Variants in MGAT4C observed in about 807,000 individuals in gnomAD.
MGAT4C encodes alpha-1,3-mannosyl-glycoprotein 4-beta-N-acetylglucosaminyltransferase C.
Under a neutral mutation model 40.1 loss-of-function variants are expected in MGAT4C, and 19 were observed. That is an observed-to-expected ratio of 0.47 (90% CI 0.33 to 0.70). The LOEUF is 0.70. Ranked by LOEUF, MGAT4C falls within the 30% of genes least tolerant of loss-of-function variation. The pLI is 0.02. For missense variants in MGAT4C, 491 were observed against 563.2 expected, an observed-to-expected ratio of 0.87 and a Z score of 1.30; for synonymous variants, 181 against 187.1, an observed-to-expected ratio of 0.97 and a Z score of 0.27.
At chr12:86,362,324 T>C (rs115212070) in intron 3 of MGAT4C, among the ~76,000 whole-genome samples, 9,803 of 151,990 alleles carry the variant, frequency 0.064, 768 homozygotes, top group East Asian at 0.25. Context: ...ACATCGCCCA[T>C]TGGGGCCTGG....
rs962883950 is a variant in MGAT4C at position 86,082,844 on chromosome 12, T to A, written c.-56-33121A>T. Among the ~76,000 whole-genome samples, 3 of 152,208 alleles carry A rather than the reference T, an allele frequency of 2.0e-5. 1 individual carries two copies. Among genetic ancestry groups the A allele is most frequent in the African/African-American group, 7.2e-5 (3 of 41,512 alleles). ...AACATGTTTTATTGATTTATACTTT[T>A]ATTTTTTTTTGCATTTTACTCTTTG... is the stretch of plus-strand genomic sequence containing the variant. On this transcript the variant is annotated intron_variant, in intron 1 of 4. Coordinates refer to ENST00000611864, the MANE Select transcript of MGAT4C (RefSeq NM_001351288.2).
chr12:86,513,941 T>A lies in MGAT4C; in HGVS notation c.-228-78676A>T, dbSNP rs115004326. 3.4e-3 allele frequency among the ~76,000 whole-genome samples: 521 copies of A among 152,010 alleles called. 4 individuals carry two copies. Among genetic ancestry groups the A allele is most frequent in the African/African-American group, 0.012 (505 of 41,468 alleles). On this transcript the variant is annotated intron_variant, in intron 2 of 7. Coordinates refer to the MGAT4C transcript ENST00000548651. The stretch of plus-strand genomic sequence containing the variant: ...AGCCTAGCAGTTACGAAAGGGGGCA[T>A]AAAGGATTTGAAGCCCTCAAAAGCC...
intron 1 of MGAT4C, among the ~76,000 whole-genome samples, chr12:86,809,682 T>C (rs995844958): frequency 3.9e-5 from 6 of 152,052 alleles, no homozygotes; most frequent in African/African-American, 1.4e-4. Context: ...ATCCTCTTCA[T>C]AATTTGGGCC....
chr12:86,575,101 C>T (rs1443529420), intron 2 of MGAT4C, among the ~76,000 whole-genome samples: 1 of 151,616 alleles, frequency 6.6e-6, no homozygotes, highest in Non-Finnish European at 1.5e-5. Flanking sequence ...AATAATCTCT[C>T]TAGACTCATC....
intron 1 of MGAT4C, among the ~76,000 whole-genome samples, chr12:86,057,025 T>C (rs963760243): frequency 2.6e-5 from 4 of 152,156 alleles, no homozygotes; most frequent in African/African-American, 9.6e-5. Context: ...AAAATCAAAG[T>C]AATTTTCTTT....
At chr12:86,454,633 A>G (rs1957481947) in intron 2 of MGAT4C, among the ~76,000 whole-genome samples, 1 of 152,202 alleles carries the variant, frequency 6.6e-6, no homozygotes, top group Admixed American at 6.6e-5. Context: ...CAGTTCAAAC[A>G]TAGATTTTAT....
intron 3 of MGAT4C, among the ~76,000 whole-genome samples, chr12:86,407,592 G>A (rs987803479): frequency 7.9e-5 from 12 of 152,128 alleles, no homozygotes; most frequent in Admixed American, 3.9e-4. Context: ...TTGAAGTGGA[G>A]GTTACTGGAG....
intron 1 of MGAT4C, among the ~76,000 whole-genome samples, chr12:86,057,369 A>T (rs1893510598): frequency 6.6e-6 from 1 of 152,060 alleles, no homozygotes; most frequent in South Asian, 2.1e-4. Flanking sequence ...TTCTGGTCAG[A>T]TCCCTCTTTT....
intron 1 of MGAT4C, among the ~76,000 whole-genome samples, chr12:86,183,059 T>C (rs1888305064): frequency 6.6e-6 from 1 of 152,204 alleles, no homozygotes; most frequent in Non-Finnish European, 1.5e-5. Flanking sequence ...TGTTACCATT[T>C]TTCTTCATCA....
In MGAT4C at chr12:86,074,325, A is replaced by G. The variant is rs571969031; in HGVS notation, c.-56-24602T>C. ...GGACCTTGTAATCATGTGAGTTAAT[A>G]CTTAATAAACATATAGATAGATAGA... On this transcript the variant is annotated intron_variant, in intron 1 of 4. Transcript: ENST00000611864. 7.2e-5 allele frequency among the ~76,000 whole-genome samples: 10 copies of G among 138,610 alleles called. No homozygotes were observed. In the South Asian group the frequency reaches 1.2e-3, roughly 17 times the overall value. 90.9% of individuals were successfully genotyped at this position (138,610 alleles called of 152,430 possible).
intron 2 of MGAT4C, among the ~76,000 whole-genome samples, chr12:86,552,395 A>G (rs1366561705): frequency 6.6e-6 from 1 of 152,118 alleles, no homozygotes; most frequent in African/African-American, 2.4e-5. Context: ...AGGAAGATAC[A>G]GAGATTTTTC....
rs529302349 is a variant in MGAT4C, at chr12:86,835,006, C to T, written c.-262+3660G>A. On this transcript the variant is annotated intron_variant, in intron 1 of 7. Coordinates refer to the MGAT4C transcript ENST00000548651. ...CAGATAAATTCAATATAACACATGT[C>T]TGCCTTTACTTTTTGTGTTAATATT... is the stretch of plus-strand genomic sequence containing the variant. 3.9e-5 allele frequency among the ~76,000 whole-genome samples: 6 copies of T among 151,976 alleles called. No homozygotes were observed. The South Asian group carries it at 1.2e-3, about 32-fold the overall frequency.
chr12:86,549,379 T>C (rs952245786), intron 2 of MGAT4C, among the ~76,000 whole-genome samples: 5 of 152,224 alleles, frequency 3.3e-5, no homozygotes, highest in African/African-American at 1.2e-4. Context: ...CATATTACTA[T>C]ATTTCTGTCA....
rs751590456 is a variant in MGAT4C, at chr12:86,033,357, C to T, written c.-7+16317G>A. Among the ~76,000 whole-genome samples the T allele has an allele frequency of 2.7e-5, 4 of 149,514 alleles. 1 individual carries two copies. The highest frequency in any genetic ancestry group is 4.5e-5 in the Non-Finnish European group (3 of 66,644). ...CTTTAGATTGCTTTGGGCAGTATGG[C>T]TATTTTAAAATATTGATTCTTTCTA... On this transcript the variant is annotated intron_variant, in intron 2 of 4. Coordinates refer to ENST00000611864, the MANE Select transcript of MGAT4C (RefSeq NM_001351288.2).
rs1883779612 is a variant in MGAT4C at position 85,974,089 on chromosome 12, T to C, written c.*5200A>G. On this transcript the variant is annotated 3_prime_UTR_variant, in exon 5 of 5. Transcript: ENST00000611864. ...TGCTATGCAACTCATATTTTGATCT[T>C]TTAATGTTAAAGAATTCAAATAAAA... 1.3e-5 allele frequency: 2 copies of C among 151,028 alleles called. No homozygotes were observed. Among genetic ancestry groups the C allele is most frequent in the East Asian group, 3.9e-4 (2 of 5,166 alleles). 9.4% of individuals were successfully genotyped at this position (151,028 alleles called of 1,614,324 possible).
At chr12:86,564,221 G>A (rs1959989809) in intron 2 of MGAT4C, among the ~76,000 whole-genome samples, 1 of 152,144 alleles carries the variant, frequency 6.6e-6, no homozygotes, top group Admixed American at 6.5e-5. Flanking sequence ...AATTGCAGCT[G>A]CTGTAGCAGT....
chr12:86,432,796 G>A (rs1204261428), intron 3 of MGAT4C, among the ~76,000 whole-genome samples: 1 of 152,056 alleles, frequency 6.6e-6, no homozygotes, highest in East Asian at 1.9e-4. Flanking sequence ...TGTCTAAAGG[G>A]AAAGAAAGTG....
chr12:86,028,688 T>C (rs772324392), intron 2 of MGAT4C, among the ~76,000 whole-genome samples: 3 of 151,958 alleles, frequency 2.0e-5, no homozygotes, highest in Non-Finnish European at 4.4e-5. Flanking sequence ...TTTCTGGTAA[T>C]AATACACTAT....
chr12:86,610,380 G>A (rs149956500), intron 2 of MGAT4C, among the ~76,000 whole-genome samples: 233 of 152,204 alleles, frequency 1.5e-3, no homozygotes, highest in African/African-American at 5.4e-3. Context: ...AACCACAGGT[G>A]CCATCTACTT....
Sources: gnomAD v4.1 joint callset for allele counts (sites outside exome capture counted in the v4.1 genomes callset) on GRCh38, gnomAD v4.1.1 for gene constraint, MANE v1.5 for transcripts, NCBI Gene and HGNC (gene_info 2026-07-23, HGNC 2026-07-21) for gene names.